Variants in AMD1 observed in about 807,000 individuals in gnomAD.
AMD1 encodes adenosylmethionine decarboxylase 1, also known as S-adenosylmethionine decarboxylase proenzyme.
AMD1 carries 11 observed loss-of-function variants against 40.2 expected under a neutral mutation model. The observed-to-expected ratio is 0.27, with a 90% confidence interval of 0.17 to 0.45. The LOEUF (loss-of-function observed/expected upper bound fraction) is 0.45. AMD1 is among the 20% of genes least tolerant of loss of function. The pLI, the probability that AMD1 is intolerant of heterozygous loss-of-function variation, is 1.00. For synonymous variants in AMD1, 121 were observed against 130.8 expected (o/e 0.93, Z 0.51); for missense variants, 257 against 410.2 (o/e 0.63, Z 3.23).
the AMD1 span, among the ~76,000 whole-genome samples, chr6:110,862,455 T>G: frequency 6.6e-4 from 99 of 151,058 alleles, no homozygotes; most frequent in African/African-American, 2.3e-3. Context: ...GGTTTCCTTT[T>G]TTGCCTATTT....
At chr6:110,843,152 A>G in the AMD1 span, among the ~76,000 whole-genome samples, 1 of 151,496 alleles carries the variant, frequency 6.6e-6, no homozygotes, top group Non-Finnish European at 1.5e-5. Flanking sequence ...TCTAAAAAAC[A>G]TATGCTTTTA....
rs1432080632 is a variant in AMD1, at chr6:110,892,146, C to T, written c.428-15C>T. 4 of 1,612,934 alleles carry T rather than the reference C, an allele frequency of 2.5e-6. No individual in the cohort carries two copies. Among genetic ancestry groups the T allele is most frequent in the Non-Finnish European group, 3.4e-6 (4 of 1,179,898 alleles). ...GGATGTGTTATATTTATTTTGCGTTCTCTTCCCTCAACAGATGGAGCAGCA... is the reference window on the plus strand; with the variant it reads ...GGATGTGTTATATTTATTTTGCGTTTTCTTCCCTCAACAGATGGAGCAGCA... On this transcript the variant is annotated splice_polypyrimidine_tract_variant and intron_variant, in intron 4 of 8. Transcript: ENST00000368885.
At chr6:110,869,824 A>G (rs1173704274), upstream of AMD1, among the ~76,000 whole-genome samples, 1 of 152,126 alleles carries the variant, frequency 6.6e-6, no homozygotes, top group Admixed American at 6.5e-5. Context: ...TTTCTAAAAC[A>G]TTTTTCTCAC....
intron 1 of AMD1, among the ~76,000 whole-genome samples, chr6:110,885,802 A>G (rs1442211628): frequency 6.6e-6 from 1 of 152,204 alleles, no homozygotes; most frequent in Non-Finnish European, 1.5e-5. Context: ...TTGGATGGGT[A>G]TTGGTACGCA....
the AMD1 span, among the ~76,000 whole-genome samples, chr6:110,825,147 G>A: frequency 6.6e-6 from 1 of 152,118 alleles, no homozygotes. Flanking sequence ...ATGATTATAA[G>A]GTTTCATTGA....
chr6:110,866,968 C>T, the AMD1 span, among the ~76,000 whole-genome samples: 1 of 151,678 alleles, frequency 6.6e-6, no homozygotes, highest in Admixed American at 6.6e-5. Flanking sequence ...CGCCCAACAT[C>T]GTGCCCAGCT....
the AMD1 span, among the ~76,000 whole-genome samples, chr6:110,816,720 TCTTAA>T: frequency 1.3e-5 from 2 of 152,186 alleles, no homozygotes; most frequent in African/African-American, 2.4e-5. Flanking sequence ...TCTTATCCTC[TCTTAA>T]CTTGTCTCCA....
chr6:110,892,731 C>A lies in AMD1; in HGVS notation c.616-4C>A, dbSNP rs762332367. On this transcript the variant is annotated splice_region_variant and splice_polypyrimidine_tract_variant and intron_variant, in intron 6 of 8. Coordinates refer to ENST00000368885, the MANE Select transcript of AMD1 (RefSeq NM_001634.6). ...TGTTAAACTCGGTCTTTTTCCCCCC[C>A]CAGGAGAGTGGAATTCGTGACCTGA... 22 of 1,611,666 alleles carry A rather than the reference C, an allele frequency of 1.4e-5. No homozygotes were observed. Among genetic ancestry groups the A allele is most frequent in the Non-Finnish European group, 1.9e-5 (22 of 1,179,140 alleles).
chr6:110,890,941 A>T (rs1226225325), intron 4 of AMD1: 1 of 152,252 alleles, frequency 6.6e-6, no homozygotes, highest in African/African-American at 2.4e-5. Context: ...ATGTATACAC[A>T]TGTAAAAATA....
At chr6:110,861,041 CCA>C in the AMD1 span, among the ~76,000 whole-genome samples, 1 of 151,740 alleles carries the variant, frequency 6.6e-6, no homozygotes, top group Non-Finnish European at 1.5e-5. Flanking sequence ...ATGGTGAAAC[CCA>C]GTCTCTACAC....
the AMD1 span, among the ~76,000 whole-genome samples, chr6:110,831,308 A>G: frequency 9.4e-4 from 143 of 151,800 alleles, 2 homozygotes; most frequent in Non-Finnish European, 1.4e-3. Flanking sequence ...GCGTGGTGGC[A>G]GGCACCTGTA....
the AMD1 span, among the ~76,000 whole-genome samples, chr6:110,818,300 G>C: frequency 6.6e-6 from 1 of 152,078 alleles, no homozygotes; most frequent in Non-Finnish European, 1.5e-5. Context: ...AAAAAAAGGG[G>C]GATAGGAAGT....
At chr6:110,859,131 A>T in the AMD1 span, 1 of 1,304,690 alleles carries the variant, frequency 7.7e-7, no homozygotes, top group Non-Finnish European at 1.1e-6. Context: ...TACTACCAGG[A>T]GGAGGCTGGC....
At chr6:110,883,917 T>C (rs1387608604) in intron 1 of AMD1, among the ~76,000 whole-genome samples, 1 of 152,168 alleles carries the variant, frequency 6.6e-6, no homozygotes, top group Non-Finnish European at 1.5e-5. Context: ...AGGTAGTGGA[T>C]GAAGAAGAGT....
At chr6:110,883,995 C>G (rs1785551289) in intron 1 of AMD1, among the ~76,000 whole-genome samples, 1 of 152,140 alleles carries the variant, frequency 6.6e-6, no homozygotes, top group Admixed American at 6.5e-5. Flanking sequence ...GAAAGTAAAC[C>G]TATAAAGTTT....
upstream of AMD1, among the ~76,000 whole-genome samples, chr6:110,874,530 C>T (rs112800313): frequency 6.6e-6 from 1 of 152,154 alleles, no homozygotes; most frequent in Non-Finnish European, 1.5e-5. Flanking sequence ...ACTCTGCGTT[C>T]GATCCGAGGT....
the AMD1 span, among the ~76,000 whole-genome samples, chr6:110,823,429 T>G: frequency 6.6e-6 from 1 of 152,174 alleles, no homozygotes; most frequent in Non-Finnish European, 1.5e-5. Context: ...AAAGAGAAAG[T>G]CAGACTATCT....
At chr6:110,855,741 T>G in the AMD1 span, among the ~76,000 whole-genome samples, 2 of 152,120 alleles carry the variant, frequency 1.3e-5, no homozygotes, top group East Asian at 3.9e-4. Flanking sequence ...TTCCATCAGG[T>G]ATTCTTTGGT....
the AMD1 span, among the ~76,000 whole-genome samples, chr6:110,845,283 C>T: frequency 6.6e-6 from 1 of 152,006 alleles, no homozygotes; most frequent in Non-Finnish European, 1.5e-5. Context: ...AACCGACCCA[C>T]CTGTCTTGGC....
Sources: allele counts gnomAD v4.1 joint callset (sites outside exome capture counted in the v4.1 genomes callset), GRCh38; gene constraint gnomAD v4.1.1; transcripts MANE v1.5; gene names NCBI Gene and HGNC (gene_info 2026-07-23, HGNC 2026-07-21).